GPC5: variants seen among roughly 807,000 people sequenced by gnomAD.
The protein encoded by GPC5 is glypican-5.
Under a neutral mutation model 53.9 loss-of-function variants are expected in GPC5, and 47 were observed. The ratio of observed to expected loss-of-function variants is 0.87; its 90% CI spans 0.69 to 1.11. GPC5 has a LOEUF of 1.11. GPC5 is among the 50% of genes most tolerant of loss of function. The pLI is 0.00. For synonymous variants in GPC5, 286 were observed against 263.3 expected (o/e 1.09, Z -0.84); for missense variants, 748 against 713.1 (o/e 1.05, Z -0.56).
chr13:92,011,427 T>C (rs1263221792), intron 6 of GPC5, among the ~76,000 whole-genome samples: 1 of 152,234 alleles, frequency 6.6e-6, no homozygotes, highest in Non-Finnish European at 1.5e-5. Flanking sequence ...CTGATAAATA[T>C]GATGGAACAT....
intron 2 of GPC5, among the ~76,000 whole-genome samples, chr13:91,599,428 T>C (rs1238477419): frequency 6.6e-6 from 1 of 152,188 alleles, no homozygotes; most frequent in Non-Finnish European, 1.5e-5. Flanking sequence ...ATTGTTATTT[T>C]TGAGCATTTG....
chr13:92,562,409 C>A (rs1304066998), intron 7 of GPC5, among the ~76,000 whole-genome samples: 1 of 152,016 alleles, frequency 6.6e-6, no homozygotes, highest in Non-Finnish European at 1.5e-5. Context: ...CGCTCTACCA[C>A]CTACAAGGCT....
At chr13:92,431,501 G>A (rs948570777) in intron 7 of GPC5, among the ~76,000 whole-genome samples, 8 of 150,892 alleles carry the variant, frequency 5.3e-5, no homozygotes, top group African/African-American at 1.7e-4. Context: ...AGCACTTCAG[G>A]AAGATTAAAT....
chr13:92,504,887 AAC>A (rs1465450030), intron 7 of GPC5, among the ~76,000 whole-genome samples: 4 of 151,860 alleles, frequency 2.6e-5, no homozygotes, highest in African/African-American at 9.7e-5. Context: ...ATTTAGAAAA[AAC>A]ACAGAAGAAA....
At chr13:91,599,654 A>T (rs544502229) in intron 2 of GPC5, among the ~76,000 whole-genome samples, 1 of 152,374 alleles carries the variant, frequency 6.6e-6, no homozygotes, top group East Asian at 1.9e-4. Context: ...AAATTAATTT[A>T]CATAAGTTAC....
At chr13:92,049,494 A>T (rs2041009954) in intron 6 of GPC5, among the ~76,000 whole-genome samples, 1 of 152,112 alleles carries the variant, frequency 6.6e-6, no homozygotes, top group African/African-American at 2.4e-5. Flanking sequence ...GGAAAGCAGA[A>T]ATTATAGATG....
At chr13:92,813,785 A>G (rs957755622) in intron 7 of GPC5, among the ~76,000 whole-genome samples, 3 of 152,088 alleles carry the variant, frequency 2.0e-5, no homozygotes, top group African/African-American at 7.3e-5. Flanking sequence ...CTCATGTTCT[A>G]AAAGACTCAA....
intron 7 of GPC5, among the ~76,000 whole-genome samples, chr13:92,209,314 G>A (rs1175206815): frequency 2.0e-5 from 3 of 152,110 alleles, no homozygotes; most frequent in Non-Finnish European, 4.4e-5. Flanking sequence ...CACAATTTTA[G>A]ATCTGGGAGG....
At chr13:92,309,343 A>G (rs1270542229) in intron 7 of GPC5, among the ~76,000 whole-genome samples, 3 of 152,126 alleles carry the variant, frequency 2.0e-5, no homozygotes, top group Non-Finnish European at 4.4e-5. Flanking sequence ...TGTTTCACAC[A>G]TCTGACTAGA....
At chr13:92,186,443 G>A (rs1249452733) in intron 7 of GPC5, among the ~76,000 whole-genome samples, 1 of 151,726 alleles carries the variant, frequency 6.6e-6, no homozygotes, top group East Asian at 1.9e-4. Context: ...TATATATAAT[G>A]AGTAAATTTT....
chr13:92,066,678 G>T (rs2041170339), intron 6 of GPC5, among the ~76,000 whole-genome samples: 1 of 152,054 alleles, frequency 6.6e-6, no homozygotes, highest in African/African-American at 2.4e-5. Context: ...TGAGAAAATT[G>T]CAGACATATC....
chr13:92,729,614 G>T (rs1212144494), intron 7 of GPC5, among the ~76,000 whole-genome samples: 2 of 151,266 alleles, frequency 1.3e-5, no homozygotes, highest in Non-Finnish European at 3.0e-5. Context: ...AGCCTTTAAA[G>T]TGACCACAGT....
chr13:92,752,197 T>G (rs1404525876), intron 7 of GPC5, among the ~76,000 whole-genome samples: 1 of 152,280 alleles, frequency 6.6e-6, no homozygotes, highest in East Asian at 1.9e-4. Flanking sequence ...TCCTGTGCTT[T>G]GCAGGAAGTT....
chr13:92,549,884 T>TACACACACACAC (rs34914341), intron 7 of GPC5, among the ~76,000 whole-genome samples: 28 of 140,888 alleles, frequency 2.0e-4, no homozygotes, highest in African/African-American at 6.8e-4. Context: ...AACACACACA[T>TACACACACACAC]ACACACACAC....
chr13:92,101,931 T>C (rs1371462453), intron 6 of GPC5, among the ~76,000 whole-genome samples: 1 of 152,212 alleles, frequency 6.6e-6, no homozygotes, highest in African/African-American at 2.4e-5. Flanking sequence ...GTGCAATGCA[T>C]GTGAGTGCTC....
At chr13:92,515,961 G>A (rs1393652434) in intron 7 of GPC5, among the ~76,000 whole-genome samples, 1 of 152,090 alleles carries the variant, frequency 6.6e-6, no homozygotes, top group African/African-American at 2.4e-5. Flanking sequence ...AAGCACTTAA[G>A]CGTAAAAGTA....
intron 1 of GPC5, among the ~76,000 whole-genome samples, chr13:91,425,470 T>C (rs79724106): frequency 0.014 from 2,163 of 152,250 alleles, 61 homozygotes; most frequent in African/African-American, 0.05. Context: ...CTCATGATAG[T>C]GAGTGAATTC....
chr13:91,893,837 G>A (rs574518432), intron 5 of GPC5, among the ~76,000 whole-genome samples: 87 of 151,860 alleles, frequency 5.7e-4, no homozygotes, highest in African/African-American at 1.7e-3. Flanking sequence ...TAGGAATAGC[G>A]TAATTGTGTA....
chr13:92,337,291 A>G (rs1237962514), intron 7 of GPC5, among the ~76,000 whole-genome samples: 2 of 152,208 alleles, frequency 1.3e-5, no homozygotes, highest in Non-Finnish European at 2.9e-5. Flanking sequence ...AAAGAAATCA[A>G]AGAAGAACTA....
Sources: gnomAD v4.1 joint callset for allele counts (sites outside exome capture counted in the v4.1 genomes callset) on GRCh38, gnomAD v4.1.1 for gene constraint, MANE v1.5 for transcripts, NCBI Gene and HGNC (gene_info 2026-07-23, HGNC 2026-07-21) for gene names.